SCHIP1: variants seen among roughly 807,000 people sequenced by gnomAD.
The protein encoded by SCHIP1 is schwannomin interacting protein 1.
In SCHIP1, 8 loss-of-function variants were observed where a neutral mutation model predicts 29.7. The ratio of observed to expected loss-of-function variants is 0.27; its 90% confidence interval spans 0.16 to 0.49. The LOEUF (loss-of-function observed/expected upper bound fraction) is 0.49. SCHIP1 is among the 20% of genes least tolerant of loss of function. The pLI, the probability that SCHIP1 is intolerant of heterozygous loss-of-function variation, is 0.99. For missense variants in SCHIP1, 193 were observed against 294.6 expected (o/e 0.66, Z 2.52); for synonymous variants, 76 against 94.9 (o/e 0.80, Z 1.16).
chr3:159,764,316 C>G, the SCHIP1 span: 1 of 1,206,052 alleles, frequency 8.3e-7, no homozygotes, highest in Non-Finnish European at 1.1e-6. The surrounding 1 kb of genome is among the most constrained non-coding windows in gnomAD (Gnocchi z 6.1). Flanking sequence ...CCCAGGCCTC[C>G]TTGGGGGACG....
intron 1 of SCHIP1, among the ~76,000 whole-genome samples, chr3:159,849,055 AC>A (rs1404337848): frequency 1.2e-5 from 1 of 85,626 alleles, no homozygotes; most frequent in African/African-American, 3.9e-5. Flanking sequence ...GAGAACACTT[AC>A]GACAAAAAAG....
the SCHIP1 span, among the ~76,000 whole-genome samples, chr3:159,520,734 T>C: frequency 2.0e-5 from 3 of 152,268 alleles, no homozygotes; most frequent in Admixed American, 2.0e-4. Context: ...GAATTAGAAC[T>C]AGGGCCTCCT....
At chr3:159,680,665 ATATAT>A in the SCHIP1 span, among the ~76,000 whole-genome samples, 3 of 18,216 alleles carry the variant, frequency 1.6e-4, no homozygotes, top group African/African-American at 2.6e-4. Context: ...TATATAAAAT[ATATAT>A]TATATATATA....
chr3:159,452,805 A>G, the SCHIP1 span, among the ~76,000 whole-genome samples: 2 of 151,428 alleles, frequency 1.3e-5, no homozygotes, highest in East Asian at 3.9e-4. Context: ...CAACCTCACC[A>G]GCAGTTGTTG....
the SCHIP1 span, among the ~76,000 whole-genome samples, chr3:159,281,969 T>A: frequency 6.6e-6 from 1 of 152,054 alleles, no homozygotes; most frequent in African/African-American, 2.4e-5. Flanking sequence ...TTTTCAACAT[T>A]TTTCACTGTG....
At chr3:159,514,420 C>A in the SCHIP1 span, among the ~76,000 whole-genome samples, 4 of 152,330 alleles carry the variant, frequency 2.6e-5, no homozygotes, top group African/African-American at 9.6e-5. Context: ...TACTAACAAG[C>A]TTCAGTTCCA....
At chr3:159,626,139 T>TAG in the SCHIP1 span, among the ~76,000 whole-genome samples, 133 of 109,974 alleles carry the variant, frequency 1.2e-3, 3 homozygotes, top group African/African-American at 1.9e-3. Flanking sequence ...GATAGATAGA[T>TAG]ATATCTAGAT....
chr3:159,731,870 ATT>A, the SCHIP1 span, among the ~76,000 whole-genome samples: 1 of 148,216 alleles, frequency 6.7e-6, no homozygotes, highest in African/African-American at 2.5e-5. Context: ...TTATCCAGGA[ATT>A]TTTTTTTTTT....
the SCHIP1 span, among the ~76,000 whole-genome samples, chr3:159,461,034 A>C: frequency 1.3e-5 from 2 of 152,102 alleles, no homozygotes; most frequent in South Asian, 4.1e-4. Flanking sequence ...AGGGCTATGT[A>C]GCATTGGGAG....
chr3:159,653,718 A>G, the SCHIP1 span, among the ~76,000 whole-genome samples: 1 of 150,766 alleles, frequency 6.6e-6, no homozygotes. Context: ...ACAAACCTGC[A>G]CATTCTGCAC....
At chr3:159,626,128 A>C in the SCHIP1 span, among the ~76,000 whole-genome samples, 8 of 121,620 alleles carry the variant, frequency 6.6e-5, no homozygotes, top group African/African-American at 3.3e-4. Context: ...ATAGATAGAT[A>C]GATAGATAGA....
At chr3:159,864,122 G>T (rs779154083) in intron 1 of SCHIP1, among the ~76,000 whole-genome samples, 6 of 152,132 alleles carry the variant, frequency 3.9e-5, no homozygotes, top group Admixed American at 6.6e-5. Flanking sequence ...TGAGAAAAAG[G>T]TTCACTGACT....
the SCHIP1 span, among the ~76,000 whole-genome samples, chr3:159,664,902 T>C: frequency 3.3e-5 from 5 of 152,228 alleles, no homozygotes; most frequent in Non-Finnish European, 5.9e-5. Context: ...CTCTGCCCCA[T>C]GCAGATCTAC....
chr3:159,496,805 C>G, the SCHIP1 span, among the ~76,000 whole-genome samples: 96 of 152,218 alleles, frequency 6.3e-4, no homozygotes, highest in African/African-American at 1.9e-3. Flanking sequence ...CACATGCACA[C>G]GTATGTTTAT....
the SCHIP1 span, among the ~76,000 whole-genome samples, chr3:159,352,769 G>T: frequency 1.3e-5 from 1 of 78,814 alleles, no homozygotes; most frequent in African/African-American, 6.6e-5. Context: ...TATTTTAATA[G>T]CTTTTTTTTT....
the SCHIP1 span, chr3:159,764,685 AGAG>A: frequency 6.3e-7 from 1 of 1,584,786 alleles, no homozygotes; most frequent in Non-Finnish European, 8.6e-7. The surrounding 1 kb of genome is among the most constrained non-coding windows in gnomAD (Gnocchi z 6.1). Flanking sequence ...AGGAGGAGGA[AGAG>A]GAGGACGAGC....
At chr3:159,807,585 C>T in the SCHIP1 span, among the ~76,000 whole-genome samples, 1 of 152,012 alleles carries the variant, frequency 6.6e-6, no homozygotes, top group East Asian at 1.9e-4. Context: ...CTACCTCTGC[C>T]CCACATCATA....
the SCHIP1 span, among the ~76,000 whole-genome samples, chr3:159,339,866 T>A: frequency 6.6e-6 from 1 of 152,146 alleles, no homozygotes; most frequent in African/African-American, 2.4e-5. Context: ...GATATAGCTC[T>A]CATCCACTCA....
chr3:159,507,634 A>G, the SCHIP1 span, among the ~76,000 whole-genome samples: 2 of 152,216 alleles, frequency 1.3e-5, no homozygotes, highest in African/African-American at 4.8e-5. Flanking sequence ...ATTTTGAGAT[A>G]CATCCCATCA....
Sources: allele counts gnomAD v4.1 joint callset (sites outside exome capture counted in the v4.1 genomes callset), GRCh38; gene constraint gnomAD v4.1.1; non-coding constraint Gnocchi (gnomAD v3.1); transcripts MANE v1.5; gene names NCBI Gene and HGNC (gene_info 2026-07-23, HGNC 2026-07-21).